Variants in ADAT1 observed in about 807,000 individuals in gnomAD.
The protein encoded by ADAT1 is adenosine deaminase tRNA specific 1.
ADAT1 carries 58 observed loss-of-function variants against 58.6 expected under a neutral mutation model. The ratio of observed to expected loss-of-function variants is 0.99; its 90% confidence interval spans 0.80 to 1.23. The LOEUF (loss-of-function observed/expected upper bound fraction) is 1.23, where lower values mean the gene tolerates loss of function less well. Among genes scored for constraint, ADAT1 ranks in the 50% most tolerant of loss-of-function variants. The pLI, the probability that ADAT1 is intolerant of heterozygous loss-of-function variation, is 0.00. For synonymous variants in ADAT1, 254 were observed against 220.8 expected (o/e 1.15, Z -1.33); for missense variants, 741 against 608.6 (o/e 1.22, Z -2.29).
Position 75,620,664 on chromosome 16 carries a change from T to G in ADAT1, c.136A>C (p.Lys46Gln), listed in dbSNP as rs1236848602. 1 of 1,613,674 alleles carries G rather than the reference T, an allele frequency of 6.2e-7. No homozygotes were observed. ...AVVKIQSPAD[K>Q]ACDTPDKPVQ... ...GGCTTATCAGGGGTGTCGCAGGCCT[T>G]GTCAGCTGGAGATTGTATCTTCACC... The change falls in exon 2 of 10, where the codon AAG (lysine) becomes CAG (glutamine). Residue 46 changes from lysine (K) to glutamine (Q), a missense_variant. Coordinates refer to ENST00000564657, the MANE Select transcript of ADAT1 (RefSeq NM_001324445.2).
At chr16:75,608,039 T>C (rs920395672) in intron 8 of ADAT1, among the ~76,000 whole-genome samples, 185 bp downstream of exon 8, 13 of 152,126 alleles carry the variant, frequency 8.5e-5, no homozygotes, top group Non-Finnish European at 1.9e-4. Context: ...ACTAGACAAA[T>C]CCACGGAGAC....
chr16:75,608,803 G>T, intron 7 of ADAT1, 40 bp downstream of exon 7: 1 of 1,590,508 alleles, frequency 6.3e-7, no homozygotes, highest in Non-Finnish European at 8.5e-7. Flanking sequence ...TCAGTCAGGG[G>T]AGCAGTTACT....
intron 8 of ADAT1, 57 bp from the exon 9 acceptor site, chr16:75,603,228 C>T: frequency 6.8e-7 from 1 of 1,466,104 alleles, no homozygotes; most frequent in South Asian, 1.2e-5. Context: ...GTTCTAAGCC[C>T]CTATCAAAGA....
At position 75,612,298 on chromosome 16, in the gene ADAT1, C is replaced by G; in HGVS notation, c.988G>C (p.Val330Leu). ...LEEPIYLSAV[V>L]IGKCPYSQEA... is the part of the protein sequence containing the mutation. ...TGGCTGTATGGGCACTTCCCAATGA[C>G]CACAGCTGACAGGTAGATGGGCTCT... Residue 330 changes from valine to leucine, a missense_variant, in exon 6 of 10, where the codon GTC becomes CTC. Physicochemically the swap from Val to Leu is conservative, Grantham distance 32. Transcript: ENST00000564657. The G allele has an allele frequency of 6.2e-7, 1 of 1,614,168 alleles. No individual in the cohort carries two copies. Among genetic ancestry groups the G allele is most frequent in the Non-Finnish European group, 8.5e-7 (1 of 1,180,040 alleles).
Position 75,597,417 on chromosome 16 carries a change from T to C in ADAT1, c.*2799A>G. Reference sequence around the variant, plus strand: ...AAGGAGGAAGCATGAAAGAGTCTTCTTCAGAGCAGCAGTCCCCAAGGCACG... The same window carrying C: ...AAGGAGGAAGCATGAAAGAGTCTTCCTCAGAGCAGCAGTCCCCAAGGCACG... On this transcript the variant is annotated 3_prime_UTR_variant, in exon 10 of 10. Transcript: ENST00000564657. The C allele has an allele frequency of 2.2e-6, 1 of 450,450 alleles. No homozygotes were observed. The highest frequency in any genetic ancestry group is 4.5e-6 in the Non-Finnish European group (1 of 224,158). The allele number at this position is 450,450 out of a possible 1,614,324, so 27.9% of individuals were successfully genotyped here.
chr16:75,618,624 A>T lies in ADAT1; in HGVS notation c.255T>A (p.Asp85Glu), dbSNP rs2081825858. The T allele has an allele frequency of 1.2e-6, 2 of 1,612,652 alleles. No homozygotes were observed. Among genetic ancestry groups the T allele is most frequent in the South Asian group, 1.1e-5 (1 of 90,976 alleles). The change falls in exon 4 of 10, where the codon GAT becomes GAA. Residue 85 changes from aspartate to glutamate, a missense_variant. Asp to Glu is a conservative substitution (Grantham distance 45). Coordinates refer to ENST00000564657, the MANE Select transcript of ADAT1 (RefSeq NM_001324445.2). ...TTCTGGCTATGACCTCAGCATGGCT[A>T]TCATTGAGGATGTCTCCTGCGGCAA... ...KMRKNGDILN[D>E]SHAEVIARRS... is the part of the protein sequence containing the mutation.
chr16:75,604,474 T>TATATATACACACACAC (rs1324943206), intron 8 of ADAT1, among the ~76,000 whole-genome samples: 4 of 54,014 alleles, frequency 7.4e-5, no homozygotes, highest in Non-Finnish European at 2.8e-5. Context: ...TATATATATA[T>TATATATACACACACAC]ACACACACAC....
intron 5 of ADAT1, among the ~76,000 whole-genome samples, chr16:75,615,728 G>C (rs891552729): frequency 2.6e-5 from 4 of 152,092 alleles, no homozygotes; most frequent in Admixed American, 1.3e-4. Context: ...TCAATGTGTG[G>C]TCTATGGACC....
At chr16:75,613,773 G>C (rs1567477952) in intron 5 of ADAT1, among the ~76,000 whole-genome samples, 1 of 152,170 alleles carries the variant, frequency 6.6e-6, no homozygotes, top group Non-Finnish European at 1.5e-5. Context: ...AAAGTCTCCT[G>C]GGGAGCAAAA....
At position 75,600,122 on chromosome 16, in the gene ADAT1, CCT is replaced by C. The variant is rs1567458983; in HGVS notation, c.*92_*93del. On this transcript the variant is annotated 3_prime_UTR_variant, in exon 10 of 10. Coordinates refer to ENST00000564657, the MANE Select transcript of ADAT1 (RefSeq NM_001324445.2). ...GATGCAAAGCTCAGAAAGAATGTTC[CCT>C]GATTTAACTACCAAAAAAGCTAAGA... 6.4e-7 allele frequency: 1 copy of C among 1,554,518 alleles called. No homozygotes were observed. Among genetic ancestry groups the C allele is most frequent in the African/African-American group, 1.4e-5 (1 of 73,124 alleles).
rs8051713 is a variant in ADAT1 at position 75,623,009 on chromosome 16, G to A, written c.-628C>T. The A allele has an allele frequency of 0.12, 17,835 of 152,320 alleles. 2,618 individuals are homozygous for A. Among genetic ancestry groups the A allele is most frequent in the East Asian group, 0.71 (3,679 of 5,156 alleles). The allele number at this position is 152,320 out of a possible 1,614,324, so 9.4% of individuals were successfully genotyped here. A position where few individuals can be genotyped will look rare whatever the true frequency, so the allele number is the denominator to read the frequency against. ...ACTGAAGCCATGCAGTGAGAACAGC[G>A]TGAGCGCCTGATCCATTGGGTCCTG... On this transcript the variant is annotated 5_prime_UTR_variant, in exon 1 of 10. In the 5' UTR this introduces an upstream ATG that the reference lacks. Transcript: ENST00000564657.
chr16:75,614,385 A>G (rs746665065), intron 5 of ADAT1, among the ~76,000 whole-genome samples: 2 of 152,236 alleles, frequency 1.3e-5, no homozygotes, highest in Non-Finnish European at 2.9e-5. Flanking sequence ...AGGAAACAGA[A>G]GAAAACTAGA....
Position 75,598,330 on chromosome 16 carries a change from T to C in ADAT1, c.*1886A>G. On this transcript the variant is annotated 3_prime_UTR_variant, in exon 10 of 10. Coordinates refer to ENST00000564657, the MANE Select transcript of ADAT1 (RefSeq NM_001324445.2). ...ACGTCGTGATCTGCCCACCTCGGCC[T>C]CCTAAAGTGTTGGGATTACAGGCGT... 1 of 267,482 alleles carries C rather than the reference T, an allele frequency of 3.7e-6. No individual in the cohort carries two copies. Among genetic ancestry groups the C allele is most frequent in the Non-Finnish European group, 7.9e-6 (1 of 126,818 alleles). 16.6% of individuals were successfully genotyped at this position (267,482 alleles called of 1,614,324 possible).
intron 7 of ADAT1, chr16:75,608,538 T>C: frequency 5.2e-6 from 3 of 580,862 alleles, no homozygotes; most frequent in Non-Finnish European, 9.1e-6. Context: ...TCACTGAGCA[T>C]TTATTATTTG....
chr16:75,620,763 C>G lies in ADAT1; in HGVS notation c.37G>C (p.Glu13Gln), dbSNP rs1327086430. 3 of 1,613,986 alleles carry G rather than the reference C, an allele frequency of 1.9e-6. No individual in the cohort carries two copies. The highest frequency in any genetic ancestry group is 2.5e-6 in the Non-Finnish European group (3 of 1,179,996). Residue 13 changes from glutamate to glutamine, a missense_variant, in exon 2 of 10, where the codon GAA becomes CAA. By Grantham distance (29) the Glu-to-Gln change is conservative (BLOSUM62 2). Coordinates refer to ENST00000564657, the MANE Select transcript of ADAT1 (RefSeq NM_001324445.2). ...TTGGGCAGCCTGATCCCATAGTGTT[C>G]ATAGCATAGCTGAGCAATCTCATCC... Reference protein sequence around the residue: ...TADEIAQLCYEHYGIRLPKKG... With the variant: ...TADEIAQLCYQHYGIRLPKKG...
chr16:75,606,163 T>C (rs2081366406), intron 8 of ADAT1, among the ~76,000 whole-genome samples: 1 of 151,974 alleles, frequency 6.6e-6, no homozygotes, highest in African/African-American at 2.4e-5. Context: ...ATTATTATTC[T>C]AGTGATAATG....
Position 75,612,264 on chromosome 16 carries a change from A to C in ADAT1, c.1022T>G (p.Met341Arg). 1 of 1,614,094 alleles carries C rather than the reference A, an allele frequency of 6.2e-7. No homozygotes were observed. Among genetic ancestry groups the C allele is most frequent in the Non-Finnish European group, 8.5e-7 (1 of 1,179,990 alleles). The change falls in exon 6 of 10, where the codon ATG (methionine) becomes AGG (arginine). Residue 341 changes from methionine to arginine, a missense_variant. Physicochemically the swap from Met to Arg is moderately conservative, Grantham distance 91 (BLOSUM62 -1). Transcript: ENST00000564657. Reference sequence around the variant, plus strand: ...TCACCTTCCAATCAGTGCTCTCTGCATGGCTTCCTGGCTGTATGGGCACTT... The same window carrying C: ...TCACCTTCCAATCAGTGCTCTCTGCCTGGCTTCCTGGCTGTATGGGCACTT... ...IGKCPYSQEA[M>R]QRALIGRCQN...
intron 6 of ADAT1, among the ~76,000 whole-genome samples, chr16:75,611,642 A>G (rs1597115740): frequency 6.6e-6 from 1 of 152,036 alleles, no homozygotes; most frequent in South Asian, 2.1e-4. Flanking sequence ...TCGACCTCCC[A>G]AAGTGCTGGG....
intron 9 of ADAT1, among the ~76,000 whole-genome samples, chr16:75,601,254 C>G (rs2081222491): frequency 6.6e-6 from 1 of 151,668 alleles, no homozygotes; most frequent in Non-Finnish European, 1.5e-5. Flanking sequence ...GCAGGAGAAT[C>G]ACTTGAACCC....
Sources: allele counts gnomAD v4.1 joint callset (sites outside exome capture counted in the v4.1 genomes callset), GRCh38; gene constraint gnomAD v4.1.1; transcripts MANE v1.5; gene names NCBI Gene and HGNC (gene_info 2026-07-23, HGNC 2026-07-21).